MACROD2: variants seen among roughly 807,000 people sequenced by gnomAD.
The protein encoded by MACROD2 is ADP-ribose glycohydrolase MACROD2.
Under a neutral mutation model 70.4 loss-of-function variants are expected in MACROD2, and 36 were observed. The observed-to-expected ratio is 0.51, with a 90% confidence interval of 0.39 to 0.68. The LOEUF (loss-of-function observed/expected upper bound fraction) is 0.68, where lower values mean the gene tolerates loss of function less well. Ranked by LOEUF, MACROD2 falls within the 30% of genes least tolerant of loss-of-function variation. The pLI is 0.00. For synonymous variants in MACROD2, 172 were observed against 178.8 expected, an observed-to-expected ratio of 0.96 and a Z score of 0.30; for missense variants, 496 against 538.4, an observed-to-expected ratio of 0.92 and a Z score of 0.78.
chr20:15,135,944 G>A (rs570762452), intron 5 of MACROD2, among the ~76,000 whole-genome samples: 1 of 151,764 alleles, frequency 6.6e-6, no homozygotes, highest in Admixed American at 6.6e-5. Context: ...CAAATCATGA[G>A]TGAACTCCCA....
At chr20:15,484,576 G>T (rs2047141183) in intron 7 of MACROD2, among the ~76,000 whole-genome samples, 1 of 152,154 alleles carries the variant, frequency 6.6e-6, no homozygotes, top group African/African-American at 2.4e-5. Flanking sequence ...AGGCTCAGGT[G>T]AAATATTTTC....
At chr20:14,087,851 A>G (rs1167199202) in intron 3 of MACROD2, among the ~76,000 whole-genome samples, 2 of 152,130 alleles carry the variant, frequency 1.3e-5, no homozygotes, top group Non-Finnish European at 2.9e-5. Context: ...CATTTAAAAG[A>G]TTATATGTGT....
intron 5 of MACROD2, among the ~76,000 whole-genome samples, chr20:15,156,874 C>A (rs1345017372): frequency 2.0e-5 from 3 of 152,198 alleles, no homozygotes; most frequent in Non-Finnish European, 4.4e-5. Flanking sequence ...TTTCCCCATG[C>A]TTTTCTCTGG....
rs191781397 is a variant in MACROD2 at position 14,976,994 on chromosome 20, G to T, written c.419-252946G>T. On this transcript the variant is annotated intron_variant, in intron 5 of 17. Coordinates refer to ENST00000684519, the MANE Select transcript of MACROD2 (RefSeq NM_001351661.2). ...GTGCTGCCCATCTGATTAGTTAATA[G>T]ATTAAGCTGTTTCTCTAAAATCAAT... is the stretch of plus-strand genomic sequence containing the variant. 1.8e-4 allele frequency among the ~76,000 whole-genome samples: 28 copies of T among 152,258 alleles called. No individual in the cohort carries two copies. The East Asian group carries it at 5.2e-3, about 28-fold the overall frequency.
intron 5 of MACROD2, among the ~76,000 whole-genome samples, chr20:15,004,795 G>C (rs75119008): frequency 5.3e-5 from 8 of 152,146 alleles, no homozygotes; most frequent in Non-Finnish European, 1.0e-4. Flanking sequence ...CAACTTATTT[G>C]TCAATTTAGG....
intron 5 of MACROD2, among the ~76,000 whole-genome samples, chr20:15,158,495 T>C (rs1388726255): frequency 6.6e-6 from 1 of 152,130 alleles, no homozygotes; most frequent in Non-Finnish European, 1.5e-5. Context: ...CAAAATTTAG[T>C]AAAAGGCAGG....
intron 5 of MACROD2, among the ~76,000 whole-genome samples, chr20:14,896,414 AT>A (rs1481556806): frequency 1.3e-5 from 2 of 152,208 alleles, no homozygotes; most frequent in African/African-American, 4.8e-5. Flanking sequence ...TTTAAAAAAA[AT>A]GTTAGAATTC....
chr20:14,669,996 A>G (rs1050367661), intron 4 of MACROD2, among the ~76,000 whole-genome samples: 1 of 152,002 alleles, frequency 6.6e-6, no homozygotes, highest in African/African-American at 2.4e-5. Flanking sequence ...CTCTGCCTGG[A>G]TGGAGGAACG....
intron 5 of MACROD2, among the ~76,000 whole-genome samples, chr20:14,944,652 A>G (rs6135316): frequency 0.13 from 20,321 of 152,214 alleles, 1,572 homozygotes; most frequent in South Asian, 0.18. Flanking sequence ...TGGGAGGCAG[A>G]AGAGAAGTGG....
At chr20:14,194,224 C>T (rs943784871) in intron 3 of MACROD2, among the ~76,000 whole-genome samples, 11 of 152,052 alleles carry the variant, frequency 7.2e-5, no homozygotes, top group Admixed American at 3.9e-4. Context: ...TGGCTTATGA[C>T]GGGAACAGAA....
chr20:14,550,380 T>C (rs1978574108), intron 4 of MACROD2, among the ~76,000 whole-genome samples: 1 of 152,082 alleles, frequency 6.6e-6, no homozygotes, highest in Non-Finnish European at 1.5e-5. Flanking sequence ...CCTCTGAAAA[T>C]TTTTATGTTG....
At chr20:14,298,742 A>G (rs750183498) in intron 3 of MACROD2, among the ~76,000 whole-genome samples, 8 of 149,152 alleles carry the variant, frequency 5.4e-5, no homozygotes, top group Non-Finnish European at 8.9e-5. Context: ...CATGAACAGG[A>G]ATTTGGAAGA....
chr20:14,212,014 T>G (rs1195167656), intron 3 of MACROD2, among the ~76,000 whole-genome samples: 5 of 152,164 alleles, frequency 3.3e-5, no homozygotes, highest in African/African-American at 1.2e-4. Context: ...ACTGTTTAAT[T>G]TATGAAATAT....
intron 8 of MACROD2, among the ~76,000 whole-genome samples, chr20:15,549,926 G>A (rs1004826896): frequency 6.6e-6 from 1 of 151,230 alleles, no homozygotes; most frequent in Non-Finnish European, 1.5e-5. Flanking sequence ...TTCCAAATGC[G>A]ACATATATAC....
At chr20:15,819,090 T>A (rs1346298472) in intron 8 of MACROD2, among the ~76,000 whole-genome samples, 1 of 151,634 alleles carries the variant, frequency 6.6e-6, no homozygotes, top group Non-Finnish European at 1.5e-5. Context: ...TGTAAAGATA[T>A]CTGCATTTTC....
At chr20:15,904,597 G>A (rs2065115122) in intron 10 of MACROD2, among the ~76,000 whole-genome samples, 1 of 151,666 alleles carries the variant, frequency 6.6e-6, no homozygotes, top group Admixed American at 6.6e-5. Flanking sequence ...AAGACAGTAA[G>A]AAAGAAAGAA....
chr20:15,847,633 C>T (rs1003552330), intron 8 of MACROD2, among the ~76,000 whole-genome samples: 5 of 152,230 alleles, frequency 3.3e-5, no homozygotes, highest in Admixed American at 1.3e-4. Context: ...CAGCAGCAGA[C>T]GTTATATAAC....
chr20:14,737,789 T>A (rs2071685438), intron 5 of MACROD2, among the ~76,000 whole-genome samples: 1 of 152,236 alleles, frequency 6.6e-6, no homozygotes, highest in African/African-American at 2.4e-5. Context: ...CATCCGCTTT[T>A]TGATGGGGTT....
At chr20:14,414,692 T>TA (rs2083784892) in intron 3 of MACROD2, among the ~76,000 whole-genome samples, 1 of 152,230 alleles carries the variant, frequency 6.6e-6, no homozygotes, top group Non-Finnish European at 1.5e-5. Context: ...CACTGTTCTT[T>TA]AGTCAGTTGA....
Sources: gnomAD v4.1 joint callset for allele counts (sites outside exome capture counted in the v4.1 genomes callset) on GRCh38, gnomAD v4.1.1 for gene constraint, MANE v1.5 for transcripts, NCBI Gene and HGNC (gene_info 2026-07-23, HGNC 2026-07-21) for gene names.